KDM4C: variants seen among roughly 807,000 people sequenced by gnomAD.
The protein encoded by KDM4C is lysine demethylase 4C, also known as lysine-specific demethylase 4C.
A neutral mutation model predicts 129.3 loss-of-function variants in KDM4C; 81 were observed. That is an observed-to-expected ratio of 0.63 (90% CI 0.52 to 0.75). KDM4C has a LOEUF of 0.75. Ranked by LOEUF, KDM4C falls within the 30% of genes least tolerant of loss-of-function variation. The pLI is 0.00. For missense variants in KDM4C, 1,457 were observed against 1,304.0 expected (o/e 1.12, Z -1.81); for synonymous variants, 573 against 456.1 (o/e 1.26, Z -3.26).
At chr9:6,821,069 C>T (rs1242813339) in intron 4 of KDM4C, among the ~76,000 whole-genome samples, 1 of 152,200 alleles carries the variant, frequency 6.6e-6, no homozygotes, top group Non-Finnish European at 1.5e-5. Context: ...TTTATGGCTA[C>T]ATAGTATTCC....
intron 1 of KDM4C, among the ~76,000 whole-genome samples, chr9:6,770,377 T>G (rs911873805): frequency 4.6e-5 from 7 of 152,190 alleles, no homozygotes; most frequent in African/African-American, 1.7e-4. Flanking sequence ...GCTGTCAACT[T>G]ATCAGTTTGG....
At chr9:7,028,420 C>T (rs1182212141) in intron 15 of KDM4C, among the ~76,000 whole-genome samples, 1 of 151,764 alleles carries the variant, frequency 6.6e-6, no homozygotes, top group African/African-American at 2.4e-5. Context: ...CATGACTCTG[C>T]CCAGTGCCAT....
chr9:6,800,001 T>C (rs975390295), intron 2 of KDM4C, among the ~76,000 whole-genome samples: 2 of 151,994 alleles, frequency 1.3e-5, no homozygotes, highest in East Asian at 1.9e-4. Context: ...GGTGGGAGGA[T>C]TGCTTGAGCC....
intron 8 of KDM4C, among the ~76,000 whole-genome samples, chr9:6,933,849 T>C (rs1824205060): frequency 1.3e-5 from 2 of 151,600 alleles, no homozygotes; most frequent in Non-Finnish European, 2.9e-5. Context: ...TTTTTATTTT[T>C]ATTTATTTAT....
chr9:6,988,235 C>T (rs918082468), intron 11 of KDM4C, among the ~76,000 whole-genome samples: 1 of 149,220 alleles, frequency 6.7e-6, no homozygotes, highest in Non-Finnish European at 1.5e-5. Flanking sequence ...TGTAGCCAAG[C>T]AGATATTCAT....
intron 15 of KDM4C, among the ~76,000 whole-genome samples, chr9:7,029,302 T>G (rs1478243697): frequency 2.0e-5 from 3 of 151,604 alleles, no homozygotes; most frequent in East Asian, 1.9e-4. Context: ...CGTTTTTTTT[T>G]TTTTTTTTTG....
At chr9:6,950,024 T>C (rs1827834505) in intron 8 of KDM4C, among the ~76,000 whole-genome samples, 1 of 149,328 alleles carries the variant, frequency 6.7e-6, no homozygotes, top group African/African-American at 2.4e-5. Flanking sequence ...GAAACTTCTC[T>C]GGCCACCCAT....
chr9:7,042,484 A>G (rs550593220), intron 15 of KDM4C, among the ~76,000 whole-genome samples: 70 of 152,256 alleles, frequency 4.6e-4, no homozygotes, highest in African/African-American at 1.3e-3. Flanking sequence ...TGAAACAAAT[A>G]GGAACACAAA....
intron 17 of KDM4C, among the ~76,000 whole-genome samples, chr9:7,098,738 T>C (rs1417306439): frequency 6.6e-6 from 1 of 152,228 alleles, no homozygotes; most frequent in Non-Finnish European, 1.5e-5. Flanking sequence ...TCCTTCTGAA[T>C]CTCACTCTCA....
chr9:7,110,437 C>A (rs536712110), intron 18 of KDM4C, among the ~76,000 whole-genome samples: 1 of 152,088 alleles, frequency 6.6e-6, no homozygotes, highest in African/African-American at 2.4e-5. Flanking sequence ...ATTGTTCTAA[C>A]TTGAGGGCTT....
intron 5 of KDM4C, among the ~76,000 whole-genome samples, chr9:6,876,830 G>C (rs1382499271): frequency 1.3e-5 from 2 of 152,010 alleles, no homozygotes; most frequent in African/African-American, 4.8e-5. Flanking sequence ...TGAAGCTTTT[G>C]TTTAGCATTC....
chr9:6,939,903 G>GTTC (rs1825535793), intron 8 of KDM4C, among the ~76,000 whole-genome samples: 1 of 151,678 alleles, frequency 6.6e-6, no homozygotes, highest in African/African-American at 2.4e-5. Context: ...TTATCCTGTG[G>GTTC]GTAGAAACCA....
intron 8 of KDM4C, among the ~76,000 whole-genome samples, chr9:6,967,840 T>G (rs996062979): frequency 6.6e-6 from 1 of 152,234 alleles, no homozygotes; most frequent in Non-Finnish European, 1.5e-5. Flanking sequence ...GTACAGATAC[T>G]GATGCCAAAA....
Position 6,883,273 on chromosome 9 carries a change from C to A in KDM4C, c.679+3212C>A, listed in dbSNP as rs1027533977. Among the ~76,000 whole-genome samples the A allele has an allele frequency of 2.6e-5, 4 of 152,192 alleles. No individual in the cohort carries two copies. The East Asian group carries it at 7.7e-4, about 29-fold the overall frequency. On this transcript the variant is annotated intron_variant, in intron 6 of 21. Transcript: ENST00000381309. ...TATTGAAATGTCTAGTTTTGAAAGGCTTATAAATAAAATACCTCTGATTAT... is the reference window on the plus strand; with the variant it reads ...TATTGAAATGTCTAGTTTTGAAAGGATTATAAATAAAATACCTCTGATTAT...
chr9:7,117,553 T>C (rs1373691884), intron 18 of KDM4C, among the ~76,000 whole-genome samples: 1 of 152,118 alleles, frequency 6.6e-6, no homozygotes, highest in African/African-American at 2.4e-5. Context: ...TGTTATTTTA[T>C]TTTCAACATT....
chr9:6,848,479 C>T (rs145533263), intron 4 of KDM4C, among the ~76,000 whole-genome samples: 170 of 152,150 alleles, frequency 1.1e-3, no homozygotes, highest in African/African-American at 3.8e-3. Flanking sequence ...CCAGCCTAGG[C>T]AACATGGCGA....
At chr9:6,821,502 G>A (rs1833024440) in intron 4 of KDM4C, among the ~76,000 whole-genome samples, 1 of 152,082 alleles carries the variant, frequency 6.6e-6, no homozygotes, top group African/African-American at 2.4e-5. Context: ...TGTGTCTGTT[G>A]GCTGCATAGA....
intron 1 of KDM4C, among the ~76,000 whole-genome samples, chr9:6,731,492 A>G (rs555442834): frequency 2.0e-5 from 3 of 151,780 alleles, no homozygotes; most frequent in South Asian, 4.2e-4. Flanking sequence ...TACCACACCC[A>G]GCTAATTTTT....
intron 8 of KDM4C, among the ~76,000 whole-genome samples, chr9:6,923,272 G>A (rs1821881199): frequency 6.6e-6 from 1 of 151,722 alleles, no homozygotes; most frequent in Non-Finnish European, 1.5e-5. Flanking sequence ...AAAGAATGTT[G>A]CACTGTTGCT....
Sources: gnomAD v4.1 joint callset for allele counts (sites outside exome capture counted in the v4.1 genomes callset) on GRCh38, gnomAD v4.1.1 for gene constraint, MANE v1.5 for transcripts, NCBI Gene and HGNC (gene_info 2026-07-23, HGNC 2026-07-21) for gene names.